Variants in NCBP2 observed in about 807,000 individuals in gnomAD.
The protein encoded by NCBP2 is nuclear cap binding protein subunit 2, also known as nuclear cap-binding protein subunit 2.
In NCBP2, 8 loss-of-function variants were observed where a neutral mutation model predicts 21.5. That is an observed-to-expected ratio of 0.37 (90% CI 0.22 to 0.67). NCBP2 has a LOEUF of 0.67. Among genes scored for constraint, NCBP2 ranks in the 30% least tolerant of loss-of-function variants. The pLI is 0.56. For missense variants in NCBP2, 127 were observed against 206.9 expected (o/e 0.61, Z 2.37); for synonymous variants, 92 against 75.8 (o/e 1.21, Z -1.11).
chr3:196,939,228 CA>C, intron 2 of NCBP2, 22 bp downstream of exon 2: 2 of 1,603,568 alleles, frequency 1.2e-6, no homozygotes, highest in Non-Finnish European at 1.7e-6. Context: ...TCAGCAGCTA[CA>C]TTAGATCCAT....
rs1034825523 is a variant in NCBP2 at position 196,937,304 on chromosome 3, T to C, written c.399+206A>G. 5 of 808,666 alleles carry C rather than the reference T, an allele frequency of 6.2e-6. No homozygotes were observed. The African/African-American group carries it at 8.6e-5, about 14-fold the overall frequency. 50.1% of individuals were successfully genotyped at this position (808,666 alleles called of 1,614,324 possible). ...AGCCCTAGCAGAAGTTCAAGAATGG[T>C]TGCTTGTTAGAAACGTACAGAACAT... On this transcript the variant is annotated intron_variant, in intron 3 of 3. Transcript: ENST00000321256.
chr3:196,942,205 G>A, intron 1 of NCBP2: 2 of 1,459,628 alleles, frequency 1.4e-6, no homozygotes, highest in Non-Finnish European at 1.8e-6. Context: ...GAGCGAATGG[G>A]ATAAGCGAGC....
Position 196,939,279 on chromosome 3 carries a change from TC to T in NCBP2, c.231del (p.Thr79GlnfsTer23). 6.2e-7 allele frequency: 1 copy of T among 1,613,982 alleles called. No homozygotes were observed. Among genetic ancestry groups the T allele is most frequent in the Non-Finnish European group, 8.5e-7 (1 of 1,179,844 alleles). ...ACAAAACAGAATCCACATGCTGTTT[TC>T]TTCATTTTATCCAGACCCATAATGA... ...KKIIMGLDKM[K>X]KTACGFCFVE... On this transcript the variant is annotated frameshift_variant, in exon 2 of 4. Coordinates refer to ENST00000321256, the MANE Select transcript of NCBP2 (RefSeq NM_007362.5). LOFTEE classifies it high-confidence loss of function.
intron 3 of NCBP2, 192 bp downstream of exon 3, chr3:196,937,318 C>T (rs1220604702): frequency 1.3e-5 from 11 of 836,248 alleles, no homozygotes; most frequent in Admixed American, 2.8e-5. Flanking sequence ...TTGTTAGAAA[C>T]GTACAGAACA....
In NCBP2 at chr3:196,937,611, A is replaced by C; in HGVS notation, c.298T>G (p.Tyr100Asp). The change falls in exon 3 of 4, where the codon TAC becomes GAC. Residue 100 changes from tyrosine (Y) to aspartate (D), a missense_variant. Transcript: ENST00000321256. ...TCATCCAGACGCGTCCCATTTATGT[A>C]CCGCATGGCGTTTTCCGCATCTGCG... ...SRADAENAMR[Y>D]INGTRLDDRI... The C allele has an allele frequency of 6.2e-7, 1 of 1,614,192 alleles. No individual in the cohort carries two copies. Among genetic ancestry groups the C allele is most frequent in the Non-Finnish European group, 8.5e-7 (1 of 1,180,042 alleles).
intron 1 of NCBP2, among the ~76,000 whole-genome samples, chr3:196,940,693 T>G (rs576449102): frequency 6.6e-6 from 1 of 152,272 alleles, no homozygotes; most frequent in Non-Finnish European, 1.5e-5. Flanking sequence ...ACTGAGGAGA[T>G]GAATAATAGA....
In NCBP2 at chr3:196,939,452, C is replaced by G. The variant is rs1447743480; in HGVS notation, c.79-20G>C. ...GTCACCCTAGAATTTCAAATAGAGA[C>G]AAAAGTTAAGCAACTTCAGAGCCTT... On this transcript the variant is annotated intron_variant, in intron 1 of 3. Coordinates refer to ENST00000321256, the MANE Select transcript of NCBP2 (RefSeq NM_007362.5). 1.3e-6 allele frequency: 2 copies of G among 1,562,902 alleles called. No individual in the cohort carries two copies. Among genetic ancestry groups the G allele is most frequent in the Non-Finnish European group, 1.7e-6 (2 of 1,147,806 alleles).
Position 196,935,406 on chromosome 3 carries a change from A to AT in NCBP2, c.*1604dup, listed in dbSNP as rs1363551793. ...GGCCAGGAAACAGGCAGCAACAACG[A>AT]TAAGTTCATCCAGCTTTATTGAAAC... On this transcript the variant is annotated 3_prime_UTR_variant, in exon 4 of 4. Coordinates refer to ENST00000321256, the MANE Select transcript of NCBP2 (RefSeq NM_007362.5). The AT allele has an allele frequency of 6.6e-6, 1 of 152,236 alleles. No individual in the cohort carries two copies. The highest frequency in any genetic ancestry group is 1.5e-5 in the Non-Finnish European group (1 of 68,040). The allele number at this position is 152,236 out of a possible 1,614,324, so 9.4% of individuals were successfully genotyped here.
chr3:196,937,634 G>A lies in NCBP2; in HGVS notation c.275C>T (p.Ala92Val). ...GTACCGCATGGCGTTTTCCGCATCT[G>A]CGCGTGAGTAATATCTTAAGTATTA... ...GFCFVEYYSRADAENAMRYIN... is the reference protein window; with the variant it reads ...GFCFVEYYSRVDAENAMRYIN... The change falls in exon 3 of 4, where the codon GCA (alanine) becomes GTA (valine). Residue 92 changes from alanine to valine, a missense_variant. By Grantham distance (64) the Ala-to-Val change is moderately conservative. Coordinates refer to ENST00000321256, the MANE Select transcript of NCBP2 (RefSeq NM_007362.5). 1 of 1,614,102 alleles carries A rather than the reference G, an allele frequency of 6.2e-7. No individual in the cohort carries two copies. Among genetic ancestry groups the A allele is most frequent in the Non-Finnish European group, 8.5e-7 (1 of 1,180,030 alleles).
intron 1 of NCBP2, chr3:196,942,131 G>C: frequency 1.4e-6 from 2 of 1,465,936 alleles, no homozygotes; most frequent in Non-Finnish European, 1.8e-6. Context: ...CGTGGAAACG[G>C]GAGCCGCCAC....
rs576717012 is a variant in NCBP2, at chr3:196,936,878, C to T, written c.*133G>A. Reference sequence around the variant, plus strand: ...TTGGATTCTGTCCTTTAATAACTTTCAGAGGCTTCCAGCTCAGTAAAGACA... The same window carrying T: ...TTGGATTCTGTCCTTTAATAACTTTTAGAGGCTTCCAGCTCAGTAAAGACA... On this transcript the variant is annotated 3_prime_UTR_variant, in exon 4 of 4. Transcript: ENST00000321256. 486 of 780,998 alleles carry T rather than the reference C, an allele frequency of 6.2e-4. 2 individuals carry two copies. The African/African-American group carries it at 7.3e-3, about 12-fold the overall frequency. The allele number at this position is 780,998 out of a possible 1,614,324, so 48.4% of individuals were successfully genotyped here.
At chr3:196,939,130 C>T in intron 2 of NCBP2, 121 bp downstream of exon 2, 1 of 780,914 alleles carries the variant, frequency 1.3e-6, no homozygotes, top group South Asian at 1.6e-5. Flanking sequence ...CAGAGACACA[C>T]TGGGTGGAAA....
Position 196,937,579 on chromosome 3 carries a change from G to T in NCBP2, c.330C>A (p.Ile110=). 1 of 1,614,192 alleles carries T rather than the reference G, an allele frequency of 6.2e-7. No individual in the cohort carries two copies. The highest frequency in any genetic ancestry group is 2.2e-5 in the East Asian group (1 of 44,888). The stretch of plus-strand genomic sequence containing the variant: ...AGCCTGCGTCCCAGTCTGTGCGAAT[G>T]ATTCGGTCATCCAGACGCGTCCCAT... The part of the protein sequence containing the change: ...YINGTRLDDR[I]IRTDWDAGFK... Residue 110 remains isoleucine, a synonymous_variant, in exon 3 of 4, where the codon ATC becomes ATA. Transcript: ENST00000321256.
intron 1 of NCBP2, 101 bp downstream of exon 1, chr3:196,942,325 G>A (rs775881245): frequency 6.5e-7 from 1 of 1,538,626 alleles, no homozygotes; most frequent in Non-Finnish European, 8.7e-7. Flanking sequence ...TGGCGTTTGC[G>A]GATTTCAGCT....
Position 196,939,321 on chromosome 3 carries a change from C to T in NCBP2, c.190G>A (p.Gly64Ser). ...CCCATAATGATTTTCTTTATGTCAC[C>T]ACTTTTGCTGAAGAGTTCATAGATT... ...EQIYELFSKSGDIKKIIMGLD... is the reference protein window; with the variant it reads ...EQIYELFSKSSDIKKIIMGLD... The change falls in exon 2 of 4, where the codon GGT becomes AGT. Residue 64 changes from glycine to serine, a missense_variant. Transcript: ENST00000321256. 2 of 1,613,572 alleles carry T rather than the reference C, an allele frequency of 1.2e-6. No individual in the cohort carries two copies. Among genetic ancestry groups the T allele is most frequent in the Non-Finnish European group, 8.5e-7 (1 of 1,179,524 alleles).
chr3:196,941,708 C>A, intron 1 of NCBP2: 2 of 561,844 alleles, frequency 3.6e-6, no homozygotes, highest in Non-Finnish European at 3.2e-6. Flanking sequence ...TCCATCCCTA[C>A]CTCCGCTGAT....
At chr3:196,940,535 TGTAA>T (rs72107687) in intron 1 of NCBP2, among the ~76,000 whole-genome samples, 28,630 of 152,054 alleles carry the variant, frequency 0.19, 3,499 homozygotes, top group Non-Finnish European at 0.24. Context: ...TTCTCACACA[TGTAA>T]GTAAGATCCA....
At chr3:196,942,066 G>T in intron 1 of NCBP2, 1 of 1,527,384 alleles carries the variant, frequency 6.5e-7, no homozygotes, top group South Asian at 1.2e-5. Context: ...GCCTACTCTG[G>T]GAGAGAGAAG....
At chr3:196,937,223 C>T in intron 3 of NCBP2, 141 bp from the exon 4 acceptor site, 1 of 891,000 alleles carries the variant, frequency 1.1e-6, no homozygotes, top group Non-Finnish European at 1.8e-6. Context: ...TGCACTTCAG[C>T]TCACTTCAGT....
Sources: gnomAD v4.1 joint callset for allele counts (sites outside exome capture counted in the v4.1 genomes callset) on GRCh38, gnomAD v4.1.1 for gene constraint, MANE v1.5 for transcripts, NCBI Gene and HGNC (gene_info 2026-07-23, HGNC 2026-07-21) for gene names.